ABR: variants seen among roughly 807,000 people sequenced by gnomAD.
The protein encoded by ABR is active breakpoint cluster region-related protein.
A neutral mutation model predicts 107.2 loss-of-function variants in ABR; 35 were observed. The ratio of observed to expected loss-of-function variants is 0.33; its 90% CI spans 0.25 to 0.43. ABR has a LOEUF of 0.43. Among genes scored for constraint, ABR ranks in the 20% least tolerant of loss-of-function variants. The pLI is 1.00. For synonymous variants in ABR, 498 were observed against 462.0 expected, an observed-to-expected ratio of 1.08 and a Z score of -1.00; for missense variants, 815 against 1,115.2, an observed-to-expected ratio of 0.73 and a Z score of 3.83.
rs924852021 is a variant in ABR, at chr17:1,115,643, G to T, written c.246+9540C>A. On this transcript the variant is annotated intron_variant, in intron 2 of 22. Coordinates refer to ENST00000302538, the MANE Select transcript of ABR (RefSeq NM_021962.5). Reference sequence around the variant, plus strand: ...AGTTCAACTACATAAAGCTAATGTTGGCCAGATGCAGTGGCTCACGCCTGT... The same window carrying T: ...AGTTCAACTACATAAAGCTAATGTTTGCCAGATGCAGTGGCTCACGCCTGT... 1.1e-4 allele frequency among the ~76,000 whole-genome samples: 16 copies of T among 152,248 alleles called. No homozygotes were observed. In the East Asian group the frequency reaches 1.2e-3, roughly 11 times the overall value.
chr17:1,188,031 T>C (rs563545045), upstream of ABR, among the ~76,000 whole-genome samples: 632 of 150,268 alleles, frequency 4.2e-3, 2 homozygotes, highest in Non-Finnish European at 6.5e-3. Context: ...GCCTGGCTCA[T>C]GTGGTGAAAC....
intron 2 of ABR, among the ~76,000 whole-genome samples, chr17:1,121,191 G>A (rs1315857777): frequency 6.6e-6 from 1 of 152,228 alleles, no homozygotes. Flanking sequence ...GGACACAAAA[G>A]AAGACAAAGG....
chr17:1,039,274 G>C (rs948964455), intron 16 of ABR, among the ~76,000 whole-genome samples: 3 of 152,086 alleles, frequency 2.0e-5, no homozygotes, highest in African/African-American at 7.2e-5. Flanking sequence ...GGAGGGGAGC[G>C]GGGGGAGCCG....
upstream of ABR, among the ~76,000 whole-genome samples, chr17:1,189,556 G>T (rs1332494064): frequency 6.6e-6 from 1 of 152,038 alleles, no homozygotes; most frequent in African/African-American, 2.4e-5. Context: ...ACCCCTTTCA[G>T]CTTCATCTGG....
At chr17:1,193,839 C>T (rs1158401322) in intron 1 of ABR, among the ~76,000 whole-genome samples, 13 of 151,948 alleles carry the variant, frequency 8.6e-5, no homozygotes, top group South Asian at 2.1e-4. Context: ...TACAGGCACC[C>T]GCCACCACGC....
chr17:1,022,117 A>C (rs1567591742), intron 16 of ABR, among the ~76,000 whole-genome samples: 1 of 150,354 alleles, frequency 6.7e-6, no homozygotes, highest in East Asian at 2.0e-4. Context: ...AAAAAAAAAA[A>C]AAAAAAAACA....
intron 1 of ABR, among the ~76,000 whole-genome samples, chr17:1,135,393 T>TG (rs2040018218): frequency 6.8e-6 from 1 of 146,184 alleles, no homozygotes; most frequent in Non-Finnish European, 1.5e-5. Context: ...TTTTTTTTTT[T>TG]GAGACAGAGT....
intron 1 of ABR, among the ~76,000 whole-genome samples, chr17:1,198,118 C>G (rs2042604412): frequency 1.3e-5 from 2 of 151,686 alleles, no homozygotes; most frequent in Non-Finnish European, 2.9e-5. Flanking sequence ...CACAACTAAC[C>G]AGAAATGAGG....
In ABR at chr17:1,154,052, A is replaced by T. The variant is rs932706094; in HGVS notation, c.61+25615T>A. ...GGGCGGGCGCGTGGGAGGACCAACGAAGAGGGAGGAGGTGGGCACGCAGCC... is the reference window on the plus strand; with the variant it reads ...GGGCGGGCGCGTGGGAGGACCAACGTAGAGGGAGGAGGTGGGCACGCAGCC... On this transcript the variant is annotated intron_variant, in intron 1 of 22. Coordinates refer to ENST00000302538, the MANE Select transcript of ABR (RefSeq NM_021962.5). The surrounding 1 kb of genome is among the most constrained non-coding windows in gnomAD (Gnocchi z 4.0). The T allele has an allele frequency of 6.5e-6, 1 of 154,982 alleles. No homozygotes were observed. Among genetic ancestry groups the T allele is most frequent in the Non-Finnish European group, 1.4e-5 (1 of 70,018 alleles). The allele number at this position is 154,982 out of a possible 1,614,324, so 9.6% of individuals were successfully genotyped here.
rs1359022367 is a variant in ABR, at chr17:1,051,863, C to T, written c.1562-1229G>A. 1.3e-5 allele frequency among the ~76,000 whole-genome samples: 2 copies of T among 152,122 alleles called. No homozygotes were observed. The highest frequency in any genetic ancestry group is 2.4e-5 in the African/African-American group (1 of 41,444). On this transcript the variant is annotated intron_variant, in intron 14 of 22. Transcript: ENST00000302538. This position sits in a 1 kb window ranked among gnomAD's most constrained non-coding sequence, Gnocchi z 4.3. ...CCAAGGTGGGCAGATCACCTGAGGT[C>T]AGGAGTTTGAGACCAGCCTGACCAA...
At chr17:1,056,265 C>T (rs1162897718) in intron 13 of ABR, among the ~76,000 whole-genome samples, 156 bp from the exon 14 acceptor site, 2 of 152,044 alleles carry the variant, frequency 1.3e-5, no homozygotes, top group Non-Finnish European at 2.9e-5. Context: ...CCGAAGGCCA[C>T]GGCGGCCTTA....
intron 1 of ABR, chr17:1,156,022 G>C (rs998933057): frequency 1.3e-5 from 2 of 151,560 alleles, no homozygotes; most frequent in Non-Finnish European, 2.9e-5. Context: ...TGGCCATCGA[G>C]GGACAGGAGA....
chr17:1,064,800 T>G lies in ABR; in HGVS notation c.1182+2277A>C, dbSNP rs1463948267. ...ATGCATGTTCCTCTAGACACTGTTG[T>G]TATGTGAACTGAGGGCTATGCATGT... On this transcript the variant is annotated intron_variant, in intron 10 of 22. Coordinates refer to ENST00000302538, the MANE Select transcript of ABR (RefSeq NM_021962.5). Among the ~76,000 whole-genome samples the G allele has an allele frequency of 7.6e-4, 102 of 133,554 alleles. 2 individuals are homozygous for G. Among genetic ancestry groups the G allele is most frequent in the Non-Finnish European group, 1.4e-3 (83 of 59,646 alleles). The allele number at this position is 133,554 out of a possible 152,430, so 87.6% of individuals were successfully genotyped here.
chr17:1,029,317 G>GGTGTC (rs1567608692), intron 16 of ABR, among the ~76,000 whole-genome samples: 5 of 151,936 alleles, frequency 3.3e-5, no homozygotes, highest in Admixed American at 3.3e-4. Context: ...AGGGACCCCC[G>GGTGTC]CTGGTACCCA....
chr17:1,219,491 C>T (rs1218167079), intron 1 of ABR, among the ~76,000 whole-genome samples: 1 of 150,538 alleles, frequency 6.6e-6, no homozygotes, highest in Non-Finnish European at 1.5e-5. Context: ...TGATGTGCAT[C>T]TGGATTTATT....
chr17:1,173,284 A>ACC (rs1231742507), intron 1 of ABR, among the ~76,000 whole-genome samples: 21 of 92,802 alleles, frequency 2.3e-4, no homozygotes, highest in Middle Eastern at 8.2e-3. Flanking sequence ...ACCTCAGCCC[A>ACC]CCCAACACAT....
intron 4 of ABR, among the ~76,000 whole-genome samples, chr17:1,090,395 TG>T (rs1167422361): frequency 2.2e-5 from 3 of 134,518 alleles, no homozygotes; most frequent in Non-Finnish European, 4.8e-5. Flanking sequence ...TAAGGAGAGG[TG>T]GGGGTGGGAG....
chr17:1,184,298 A>G (rs184673724), upstream of ABR, among the ~76,000 whole-genome samples: 120 of 152,154 alleles, frequency 7.9e-4, 2 homozygotes, highest in African/African-American at 2.8e-3. Flanking sequence ...TACTAAATAT[A>G]CAAAACATTA....
chr17:1,071,905 T>C lies in ABR; in HGVS notation c.894+709A>G, dbSNP rs767135105. 4.6e-5 allele frequency among the ~76,000 whole-genome samples: 7 copies of C among 152,110 alleles called. No homozygotes were observed. The highest frequency in any genetic ancestry group is 1.0e-4 in the Non-Finnish European group (7 of 68,016). ...CCTCAGGTTCTTCTGGCTCACTGGA[T>C]TGTTATTATTATTTCTGAGATGGAG... On this transcript the variant is annotated intron_variant, in intron 8 of 22. Coordinates refer to ENST00000302538, the MANE Select transcript of ABR (RefSeq NM_021962.5). This position sits in a 1 kb window ranked among gnomAD's most constrained non-coding sequence, Gnocchi z 5.1.
Sources: allele counts gnomAD v4.1 joint callset (sites outside exome capture counted in the v4.1 genomes callset), GRCh38; gene constraint gnomAD v4.1.1; non-coding constraint Gnocchi (gnomAD v3.1); transcripts MANE v1.5; gene names NCBI Gene and HGNC (gene_info 2026-07-23, HGNC 2026-07-21).